Variants in ZNF236 observed in about 807,000 individuals in gnomAD.
ZNF236 encodes regulated by glucose.
Under a neutral mutation model 191.2 loss-of-function variants are expected in ZNF236, and 50 were observed. The observed-to-expected ratio is 0.26, with a 90% CI of 0.21 to 0.33. The LOEUF is 0.33. Among genes scored for constraint, ZNF236 ranks in the 10% least tolerant of loss-of-function variants. The pLI is 1.00. For missense variants in ZNF236, 1,754 were observed against 2,374.5 expected, an observed-to-expected ratio of 0.74 and a Z score of 5.43; for synonymous variants, 907 against 928.8, an observed-to-expected ratio of 0.98 and a Z score of 0.43.
In ZNF236 at chr18:76,895,057, T is replaced by C; in HGVS notation, c.1462T>C (p.Tyr488His). The change falls in exon 10 of 31, where the codon TAC becomes CAC. Residue 488 changes from tyrosine (Y) to histidine (H), a missense_variant. By Grantham distance (83) the Tyr-to-His change is moderately conservative. Coordinates refer to ENST00000320610, the MANE Select transcript of ZNF236 (RefSeq NM_001306089.2). ...CGGCGTGCGCTGGCATGTGTGTCCCTACTGCGCCAAGGAGTTCCGCAAGCC... is the reference window on the plus strand; with the variant it reads ...CGGCGTGCGCTGGCATGTGTGTCCCCACTGCGCCAAGGAGTTCCGCAAGCC... ...ENGVRWHVCP[Y>H]CAKEFRKPSD... 2 of 1,611,666 alleles carry C rather than the reference T, an allele frequency of 1.2e-6. No homozygotes were observed. Among genetic ancestry groups the C allele is most frequent in the Non-Finnish European group, 1.7e-6 (2 of 1,179,992 alleles).
At chr18:76,881,171 T>C (rs1976881877) in intron 8 of ZNF236, 113 bp from the exon 9 acceptor site, 1 of 928,134 alleles carries the variant, frequency 1.1e-6, no homozygotes, top group African/African-American at 1.7e-5. Context: ...GAATTGTAGA[T>C]TCTTATTTCT....
intron 3 of ZNF236, among the ~76,000 whole-genome samples, chr18:76,852,539 G>T (rs1975908624): frequency 6.6e-6 from 1 of 151,948 alleles, no homozygotes; most frequent in African/African-American, 2.4e-5. Context: ...AGTGGCTCAT[G>T]CCTGTTATCC....
chr18:76,892,540 T>G (rs1178932837), intron 9 of ZNF236, among the ~76,000 whole-genome samples: 3 of 152,016 alleles, frequency 2.0e-5, no homozygotes, highest in Non-Finnish European at 4.4e-5. Context: ...TGAGTATATA[T>G]CCTTTACTTT....
At chr18:76,918,132 A>C (rs963736486) in intron 19 of ZNF236, among the ~76,000 whole-genome samples, 2 of 152,202 alleles carry the variant, frequency 1.3e-5, no homozygotes, top group Non-Finnish European at 2.9e-5. Flanking sequence ...TCAGTCATAC[A>C]ATAATGACCT....
intron 1 of ZNF236, among the ~76,000 whole-genome samples, chr18:76,838,582 C>T (rs183285479): frequency 2.6e-5 from 4 of 152,274 alleles, no homozygotes; most frequent in Admixed American, 1.3e-4. Flanking sequence ...CGGCCTCTGT[C>T]GTGACTACTC....
chr18:76,911,972 T>C (rs1298075696), intron 16 of ZNF236, among the ~76,000 whole-genome samples: 4 of 152,220 alleles, frequency 2.6e-5, no homozygotes, highest in Non-Finnish European at 4.4e-5. Flanking sequence ...GAATCTCTTA[T>C]TAAGATATAT....
chr18:76,875,436 C>T lies in ZNF236; in HGVS notation c.668-56C>T, dbSNP rs754262384. 4.3e-5 allele frequency: 61 copies of T among 1,402,490 alleles called. No individual in the cohort carries two copies. The highest frequency in any genetic ancestry group is 5.0e-5 in the Non-Finnish European group (53 of 1,065,370). The allele number at this position is 1,402,490 out of a possible 1,614,324, so 86.9% of individuals were successfully genotyped here. ...AACTTCAGTGTTGTTCTTTTCAATCCGTAAGATGCCCATACAATATGGAAT... is the reference window on the plus strand; with the variant it reads ...AACTTCAGTGTTGTTCTTTTCAATCTGTAAGATGCCCATACAATATGGAAT... On this transcript the variant is annotated intron_variant, in intron 5 of 30. Transcript: ENST00000320610. This position sits in a 1 kb window ranked among gnomAD's most constrained non-coding sequence, Gnocchi z 4.3.
chr18:76,927,312 G>C lies in ZNF236; in HGVS notation c.4209G>C (p.Gln1403His). ...GCATTCTGCAGCAGACGCTACAGCA[G>C]GGCAACCTATTGGCTCAGCAGCTCA... Reference protein sequence around the residue: ...DPSILQQTLQQGNLLAQQLTG... With the variant: ...DPSILQQTLQHGNLLAQQLTG... The change falls in exon 24 of 31, where the codon CAG (glutamine) becomes CAC (histidine). Residue 1403 changes from glutamine to histidine, a missense_variant. Gln to His is a conservative substitution (Grantham distance 24). This residue lies in a region of ZNF236 where 606 missense variants were observed against 761.5 expected (regional missense o/e 0.80). Coordinates refer to ENST00000320610, the MANE Select transcript of ZNF236 (RefSeq NM_001306089.2). The surrounding 1 kb of genome is among the most constrained non-coding windows in gnomAD (Gnocchi z 5.4). 1 of 1,614,196 alleles carries C rather than the reference G, an allele frequency of 6.2e-7. No homozygotes were observed.
intron 3 of ZNF236, among the ~76,000 whole-genome samples, chr18:76,860,504 C>T (rs1235142820): frequency 6.6e-6 from 1 of 152,224 alleles, no homozygotes; most frequent in African/African-American, 2.4e-5. Context: ...TTCTCTTCCA[C>T]AGATGGGCCA....
At chr18:76,845,987 G>C (rs1207414310) in intron 1 of ZNF236, among the ~76,000 whole-genome samples, 1 of 152,254 alleles carries the variant, frequency 6.6e-6, no homozygotes, top group East Asian at 1.9e-4. Flanking sequence ...CCTGCACAAT[G>C]GAGGTGTGTG....
chr18:76,896,486 A>C (rs1977416765), intron 10 of ZNF236, among the ~76,000 whole-genome samples: 1 of 148,906 alleles, frequency 6.7e-6, no homozygotes, highest in Non-Finnish European at 1.5e-5. Flanking sequence ...ACACAAGTAC[A>C]GCCTCAGTGC....
intron 30 of ZNF236, among the ~76,000 whole-genome samples, chr18:76,961,173 C>T (rs199941137): frequency 5.9e-5 from 9 of 152,156 alleles, no homozygotes; most frequent in Admixed American, 2.0e-4. Flanking sequence ...TCTTTCCCCC[C>T]GAGTCCCCAA....
intron 27 of ZNF236, among the ~76,000 whole-genome samples, chr18:76,951,660 GCTCA>G: frequency 6.6e-6 from 1 of 152,176 alleles, no homozygotes; most frequent in Non-Finnish European, 1.5e-5. Flanking sequence ...TCATTCATGG[GCTCA>G]CTGGATAACA....
chr18:76,899,256 T>C (rs577934754), intron 11 of ZNF236, 34 bp downstream of exon 11: 89 of 1,561,314 alleles, frequency 5.7e-5, no homozygotes, highest in Admixed American at 3.8e-4. Context: ...TTATAATTTA[T>C]TGAGTACTAT....
At chr18:76,852,637 CA>C (rs34349493) in intron 3 of ZNF236, among the ~76,000 whole-genome samples, 223 of 133,212 alleles carry the variant, frequency 1.7e-3, no homozygotes, top group Admixed American at 1.6e-3. Flanking sequence ...CCATCTCTAC[CA>C]AAAAAAAAAA....
At chr18:76,895,567 C>T (rs1342328607) in intron 10 of ZNF236, among the ~76,000 whole-genome samples, 5 of 151,986 alleles carry the variant, frequency 3.3e-5, no homozygotes, top group East Asian at 3.9e-4. Flanking sequence ...GTACTGCACA[C>T]GAGTACTGCC....
At chr18:76,827,796 G>A (rs2122374118) in intron 1 of ZNF236, among the ~76,000 whole-genome samples, 1 of 152,270 alleles carries the variant, frequency 6.6e-6, no homozygotes, top group East Asian at 1.9e-4. Context: ...CACTATCCTG[G>A]GGATAGAAGG....
intron 1 of ZNF236, among the ~76,000 whole-genome samples, chr18:76,836,383 G>A (rs1432169360): frequency 6.6e-6 from 1 of 151,802 alleles, no homozygotes; most frequent in Non-Finnish European, 1.5e-5. Context: ...ACCATGCCTG[G>A]CTAAATTTTT....
Position 76,908,577 on chromosome 18 carries a change from A to C in ZNF236, c.2551+4A>C, listed in dbSNP as rs1191592383. On this transcript the variant is annotated splice_donor_region_variant and intron_variant, in intron 14 of 30. Transcript: ENST00000320610. ...CAGCCCCTGGAAGCAGATGAAGGTAAATGTTTCAGGATATTTAACTTTGAG... is the reference window on the plus strand; with the variant it reads ...CAGCCCCTGGAAGCAGATGAAGGTACATGTTTCAGGATATTTAACTTTGAG... The C allele has an allele frequency of 1.4e-5, 23 of 1,599,046 alleles. No individual in the cohort carries two copies. Among genetic ancestry groups the C allele is most frequent in the Non-Finnish European group, 2.0e-5 (23 of 1,173,232 alleles).
Sources: allele counts gnomAD v4.1 joint callset (sites outside exome capture counted in the v4.1 genomes callset), GRCh38; gene constraint gnomAD v4.1.1; regional missense constraint gnomAD v4.1.1; non-coding constraint Gnocchi (gnomAD v3.1); transcripts MANE v1.5; gene names NCBI Gene and HGNC (gene_info 2026-07-23, HGNC 2026-07-21).